Variants in CNTNAP4 observed in about 807,000 individuals in gnomAD.
CNTNAP4 encodes the protein contactin associated protein family member 4, also known as contactin-associated protein-like 4.
A neutral mutation model predicts 148.4 loss-of-function variants in CNTNAP4; 98 were observed. The observed-to-expected ratio is 0.66, with a 90% CI of 0.56 to 0.78. The LOEUF (loss-of-function observed/expected upper bound fraction) is 0.78. CNTNAP4 is among the 30% of genes least tolerant of loss of function. CNTNAP4 has a pLI of 0.00. For missense variants in CNTNAP4, 1,935 were observed against 1,565.6 expected (o/e 1.24, Z -3.98); for synonymous variants, 730 against 565.1 (o/e 1.29, Z -4.14).
At chr16:76,292,139 G>A (rs189805831) in intron 1 of CNTNAP4, among the ~76,000 whole-genome samples, 6 of 152,226 alleles carry the variant, frequency 3.9e-5, no homozygotes, top group Non-Finnish European at 7.3e-5. Flanking sequence ...TAATATAACG[G>A]TATCTTAACC....
chr16:76,528,936 A>G (rs934533407), intron 17 of CNTNAP4, among the ~76,000 whole-genome samples: 5 of 152,218 alleles, frequency 3.3e-5, no homozygotes, highest in Non-Finnish European at 7.3e-5. Flanking sequence ...AAATATTAGA[A>G]CAATTAACTT....
chr16:76,347,868 G>A (rs763814006), intron 2 of CNTNAP4, among the ~76,000 whole-genome samples: 2 of 152,122 alleles, frequency 1.3e-5, no homozygotes, highest in Non-Finnish European at 2.9e-5. Flanking sequence ...GATCATTGAG[G>A]ACATTGCAGG....
chr16:76,310,291 G>A (rs1960960507), intron 1 of CNTNAP4, among the ~76,000 whole-genome samples: 2 of 152,146 alleles, frequency 1.3e-5, no homozygotes, highest in African/African-American at 2.4e-5. Context: ...TATGGTTACA[G>A]TACAATGTCA....
At chr16:76,487,601 A>G (rs979106859) in intron 12 of CNTNAP4, among the ~76,000 whole-genome samples, 2 of 152,178 alleles carry the variant, frequency 1.3e-5, no homozygotes, top group African/African-American at 4.8e-5. Context: ...CCTGGCTTTT[A>G]AGGCACCTAT....
chr16:76,547,366 A>T (rs1191906074), intron 21 of CNTNAP4, among the ~76,000 whole-genome samples: 1 of 152,224 alleles, frequency 6.6e-6, no homozygotes. Flanking sequence ...TTGAATAATG[A>T]TGTAATTTAA....
chr16:76,521,223 G>T lies in CNTNAP4; in HGVS notation c.2449G>T (p.Val817Leu), dbSNP rs538600136. 2 of 1,612,180 alleles carry T rather than the reference G, an allele frequency of 1.2e-6. No individual in the cohort carries two copies. ...CTTCCACGGAGAACTTAGCGCGGAT[G>T]TATCTTTCTTTTTTAAGACAACAGC... ...PTFHGELSAD[V>L]SFFFKTTASS... The change falls in exon 16 of 24, where the codon GTA (valine) becomes TTA (leucine). Residue 817 changes from valine (V) to leucine (L), a missense_variant. Val to Leu is a conservative substitution (Grantham distance 32). Coordinates refer to ENST00000611870, the MANE Select transcript of CNTNAP4 (RefSeq NM_033401.5).
intron 3 of CNTNAP4, among the ~76,000 whole-genome samples, chr16:76,377,096 T>G (rs1248402204): frequency 6.6e-6 from 1 of 152,112 alleles, no homozygotes; most frequent in African/African-American, 2.4e-5. Context: ...AGTTGCAGTT[T>G]AAGTCCAAAG....
chr16:76,403,759 C>A (rs2078502026), intron 3 of CNTNAP4, among the ~76,000 whole-genome samples: 1 of 152,048 alleles, frequency 6.6e-6, no homozygotes, highest in Non-Finnish European at 1.5e-5. Flanking sequence ...ATGTTTATTG[C>A]AGCACTAGTC....
At chr16:76,401,179 G>A (rs142751484) in intron 3 of CNTNAP4, among the ~76,000 whole-genome samples, 2 of 152,074 alleles carry the variant, frequency 1.3e-5, no homozygotes, top group African/African-American at 4.8e-5. Flanking sequence ...AGCATGGAAT[G>A]TTTTTCCATT....
At chr16:76,331,177 G>A (rs1963477913) in intron 2 of CNTNAP4, among the ~76,000 whole-genome samples, 1 of 148,908 alleles carries the variant, frequency 6.7e-6, no homozygotes, top group African/African-American at 2.5e-5. Context: ...CTTTTTTGTT[G>A]TTTTCTGTTT....
chr16:76,533,148 A>G (rs1216485326), intron 17 of CNTNAP4, among the ~76,000 whole-genome samples: 3 of 152,198 alleles, frequency 2.0e-5, no homozygotes, highest in African/African-American at 7.2e-5. Context: ...ATGGAATACA[A>G]TTCAGGCATA....
At chr16:76,368,780 C>T (rs2014450895) in intron 3 of CNTNAP4, among the ~76,000 whole-genome samples, 1 of 152,026 alleles carries the variant, frequency 6.6e-6, no homozygotes, top group East Asian at 1.9e-4. Flanking sequence ...ATGTAACAAA[C>T]CTGCACATCC....
chr16:76,289,590 T>C (rs2013034), intron 1 of CNTNAP4, among the ~76,000 whole-genome samples: 21,926 of 151,124 alleles, frequency 0.15, 2,939 homozygotes, highest in East Asian at 0.44. Flanking sequence ...TGTTTTTTTT[T>C]GAGACAGAGT....
intron 3 of CNTNAP4, among the ~76,000 whole-genome samples, chr16:76,404,069 C>T (rs966953644): frequency 3.3e-5 from 5 of 151,800 alleles, no homozygotes; most frequent in East Asian, 3.9e-4. Context: ...AAGATGGAGA[C>T]GAGCAGAAAA....
At chr16:76,454,577 C>G (rs2080649194) in intron 8 of CNTNAP4, among the ~76,000 whole-genome samples, 1 of 152,126 alleles carries the variant, frequency 6.6e-6, no homozygotes, top group Admixed American at 6.5e-5. Flanking sequence ...TAAAAACTCT[C>G]TCTACTCTTT....
chr16:76,383,629 G>A (rs2016219500), intron 3 of CNTNAP4, among the ~76,000 whole-genome samples: 1 of 152,146 alleles, frequency 6.6e-6, no homozygotes, highest in Non-Finnish European at 1.5e-5. Context: ...ATACTTTTAA[G>A]AGATAAGCAG....
chr16:76,501,868 A>G (rs374820134), intron 15 of CNTNAP4, among the ~76,000 whole-genome samples: 43 of 152,254 alleles, frequency 2.8e-4, no homozygotes, highest in African/African-American at 1.0e-3. Flanking sequence ...CAGGAGATCG[A>G]GACCATCCCG....
At chr16:76,482,431 A>ATTT (rs373576749) in intron 12 of CNTNAP4, among the ~76,000 whole-genome samples, 5,441 of 129,546 alleles carry the variant, frequency 0.042, 146 homozygotes, top group Middle Eastern at 0.066. Context: ...TGTTTTACAC[A>ATTT]ATTTTTTTTT....
chr16:76,357,334 T>G (rs2144515594), intron 3 of CNTNAP4, among the ~76,000 whole-genome samples: 1 of 152,316 alleles, frequency 6.6e-6, no homozygotes, highest in South Asian at 2.1e-4. Context: ...AAGTGATCAA[T>G]CAGGAAAATT....
Sources: gnomAD v4.1 joint callset for allele counts (sites outside exome capture counted in the v4.1 genomes callset) on GRCh38, gnomAD v4.1.1 for gene constraint, MANE v1.5 for transcripts, NCBI Gene and HGNC (gene_info 2026-07-23, HGNC 2026-07-21) for gene names.